The following TNRC18 variants were observed in gnomAD, a reference collection of about 807,000 sequenced individuals.
The protein encoded by TNRC18 is trinucleotide repeat-containing gene 18 protein.
A neutral mutation model predicts 226.7 loss-of-function variants in TNRC18; 69 were observed. The observed-to-expected ratio is 0.30, with a 90% confidence interval of 0.25 to 0.37. The LOEUF (loss-of-function observed/expected upper bound fraction) is 0.37, where lower values mean the gene tolerates loss of function less well. Ranked by LOEUF, TNRC18 falls within the 10% of genes least tolerant of loss-of-function variation. The probability of loss-of-function intolerance (pLI) is 1.00; values close to 1 mark genes in which losing one functional copy is unlikely to be tolerated. For synonymous variants in TNRC18, 2,449 were observed against 1,927.6 expected (o/e 1.27, Z -7.09); for missense variants, 4,754 against 4,256.6 (o/e 1.12, Z -3.25).
intron 22 of TNRC18, 72 bp downstream of exon 22, chr7:5,321,001 G>T: frequency 1.8e-6 from 2 of 1,110,904 alleles, no homozygotes; most frequent in Non-Finnish European, 2.6e-6. Context: ...AAGCAGCCAG[G>T]CACAGAGGCG....
At chr7:5,333,489 C>A (rs1387445360) in intron 18 of TNRC18, among the ~76,000 whole-genome samples, 1 of 152,218 alleles carries the variant, frequency 6.6e-6, no homozygotes, top group African/African-American at 2.4e-5. Flanking sequence ...CCTGTCGGAA[C>A]TGGGTGGTCC....
rs147618219 is a variant in TNRC18, at chr7:5,323,836, G to C, written c.6442+378C>G. 7.6e-4 allele frequency among the ~76,000 whole-genome samples: 116 copies of C among 152,224 alleles called. 3 individuals carry two copies. In the East Asian group the frequency reaches 0.019, roughly 25 times the overall value. ...GCCCAACTCGGTCTCCTAAAGTGCT[G>C]GGATTACAGGCATGGGCCACCACGC... On this transcript the variant is annotated intron_variant, in intron 21 of 29. Transcript: ENST00000430969.
At chr7:5,385,001 G>A (rs1779655910) in intron 5 of TNRC18, among the ~76,000 whole-genome samples, 1 of 152,236 alleles carries the variant, frequency 6.6e-6, no homozygotes, top group Admixed American at 6.5e-5. Context: ...AAGACTTCAG[G>A]GCCGTCCCCG....
intron 2 of TNRC18, among the ~76,000 whole-genome samples, chr7:5,409,701 G>C (rs1196543306): frequency 2.0e-5 from 3 of 151,868 alleles, no homozygotes; most frequent in Admixed American, 1.3e-4. Context: ...AAGAAGGCCA[G>C]GCGCAGTGGC....
rs938821324 is a variant in TNRC18 at position 5,421,049 on chromosome 7, G to A, written c.187+11C>T. On this transcript the variant is annotated intron_variant, in intron 2 of 29. Transcript: ENST00000430969. Reference sequence around the variant, plus strand: ...AGACAGGAGGGGACGGGCACGGCGCGGGGCACTTACCCGGGTGCGGATGGA... The same window carrying A: ...AGACAGGAGGGGACGGGCACGGCGCAGGGCACTTACCCGGGTGCGGATGGA... The A allele has an allele frequency of 5.2e-6, 8 of 1,527,136 alleles. No homozygotes were observed. The highest frequency in any genetic ancestry group is 6.2e-6 in the Non-Finnish European group (7 of 1,128,538). 94.6% of individuals were successfully genotyped at this position (1,527,136 alleles called of 1,614,324 possible).
chr7:5,414,336 A>G (rs942457458), intron 2 of TNRC18, among the ~76,000 whole-genome samples: 1 of 150,476 alleles, frequency 6.6e-6, no homozygotes, highest in African/African-American at 2.5e-5. Context: ...TAAAATAGAT[A>G]TTTTTTCTTT....
intron 19 of TNRC18, among the ~76,000 whole-genome samples, chr7:5,327,399 G>GTGTC (rs35614077): frequency 0.019 from 2,631 of 138,198 alleles, 54 homozygotes; most frequent in East Asian, 0.11. Flanking sequence ...GTGTGTGTGT[G>GTGTC]TGTGTGTGTG....
chr7:5,335,920 G>A (rs962030252), intron 18 of TNRC18, among the ~76,000 whole-genome samples: 9 of 149,756 alleles, frequency 6.0e-5, no homozygotes, highest in African/African-American at 2.0e-4. Context: ...GCAATTACTA[G>A]ACAAGGCCAT....
At chr7:5,334,487 CG>C (rs1469506388) in intron 18 of TNRC18, among the ~76,000 whole-genome samples, 1 of 146,674 alleles carries the variant, frequency 6.8e-6, no homozygotes, top group Non-Finnish European at 1.5e-5. Flanking sequence ...TTAGTAGAGA[CG>C]GGGTTTCACC....
chr7:5,317,807 G>T (rs1460260013), intron 24 of TNRC18, among the ~76,000 whole-genome samples: 17 of 151,696 alleles, frequency 1.1e-4, no homozygotes, highest in African/African-American at 3.9e-4. Flanking sequence ...CCAGGCTCAG[G>T]TGATCCTCCC....
rs112415716 is a variant in TNRC18 at position 5,421,090 on chromosome 7, T to C, written c.157A>G (p.Met53Val). Residue 53 changes from methionine to valine, a missense_variant, in exon 2 of 30, where the codon ATG (methionine) becomes GTG (valine). Transcript: ENST00000430969. ...LPGPLPPGKY[M>V]AGLNLHPHPG... ...TGCGGATGGAGATTCAGGCCGGCCA[T>C]GTACTTCCCGGGCGGCAGCGGGCCG... is the stretch of plus-strand genomic sequence containing the variant. 4.2e-5 allele frequency: 63 copies of C among 1,488,678 alleles called. No homozygotes were observed. The highest frequency in any genetic ancestry group is 6.6e-5 in the Admixed American group (3 of 45,154). The allele number at this position is 1,488,678 out of a possible 1,614,324, so 92.2% of individuals were successfully genotyped here. A position where few individuals can be genotyped will look rare whatever the true frequency, so the allele number is the denominator to read the frequency against.
intron 16 of TNRC18, among the ~76,000 whole-genome samples, chr7:5,353,183 G>C (rs554290776): frequency 1.6e-4 from 24 of 152,134 alleles, no homozygotes; most frequent in Non-Finnish European, 3.1e-4. Flanking sequence ...TGTCCCTCCC[G>C]AGGCTGTGTC....
chr7:5,415,719 A>T (rs1782142002), intron 2 of TNRC18, among the ~76,000 whole-genome samples: 1 of 151,918 alleles, frequency 6.6e-6, no homozygotes, highest in African/African-American at 2.4e-5. Context: ...ATTTTTAAAC[A>T]TCAGATTACA....
At chr7:5,411,035 G>A (rs569401684) in intron 2 of TNRC18, among the ~76,000 whole-genome samples, 24 of 151,566 alleles carry the variant, frequency 1.6e-4, no homozygotes, top group Admixed American at 7.3e-4. Context: ...GTGAAACTCC[G>A]TCTCCATTTT....
At chr7:5,368,547 C>T (rs1793854027) in intron 11 of TNRC18, among the ~76,000 whole-genome samples, 1 of 151,134 alleles carries the variant, frequency 6.6e-6, no homozygotes, top group African/African-American at 2.4e-5. Flanking sequence ...GCCTGTAATC[C>T]CAGGTACTCA....
chr7:5,321,305 G>C, intron 21 of TNRC18, 115 bp from the exon 22 acceptor site: 1 of 713,186 alleles, frequency 1.4e-6, no homozygotes, highest in Middle Eastern at 4.0e-4. Flanking sequence ...TACCGGGTGG[G>C]CCTGTGGGGC....
At chr7:5,351,786 C>T (rs1208982678) in intron 17 of TNRC18, 33 bp downstream of exon 17, 1 of 1,539,854 alleles carries the variant, frequency 6.5e-7, no homozygotes, top group South Asian at 1.3e-5. Context: ...CGCTAGGAAA[C>T]ACGGAAGGTA....
Position 5,388,064 on chromosome 7 carries a change from C to T in TNRC18, c.1760G>A (p.Ser587Asn). The part of the protein sequence containing the change: ...HGSGEASAMQ[S>N]LIKYSGSFAR... ...AAAGCTGCCACTGTACTTTATAAGG[C>T]TCTGCATGGCCGAGGCCTCTCCAGA... Residue 587 changes from serine to asparagine, a missense_variant, in exon 5 of 30, where the codon AGC (serine) becomes AAC (asparagine). Physicochemically the swap from Ser to Asn is conservative, Grantham distance 46 (BLOSUM62 1). Coordinates refer to ENST00000430969, the MANE Select transcript of TNRC18 (RefSeq NM_001080495.3). The T allele has an allele frequency of 6.4e-7, 1 of 1,557,690 alleles. No homozygotes were observed. The highest frequency in any genetic ancestry group is 8.7e-7 in the Non-Finnish European group (1 of 1,151,362).
chr7:5,382,634 CCT>C (rs933403067), intron 5 of TNRC18, among the ~76,000 whole-genome samples: 3 of 152,212 alleles, frequency 2.0e-5, no homozygotes, highest in Non-Finnish European at 4.4e-5. Flanking sequence ...CCAGCCGCCC[CCT>C]GTGAAGCTGG....
Sources: allele counts gnomAD v4.1 joint callset (sites outside exome capture counted in the v4.1 genomes callset), GRCh38; gene constraint gnomAD v4.1.1; transcripts MANE v1.5; gene names NCBI Gene and HGNC (gene_info 2026-07-23, HGNC 2026-07-21).